Variants in XRCC1 observed in about 807,000 individuals in gnomAD.
The protein encoded by XRCC1 is DNA repair protein XRCC1.
In XRCC1, 52 loss-of-function variants were observed where a neutral mutation model predicts 83.3. The ratio of observed to expected loss-of-function variants is 0.62; its 90% CI spans 0.50 to 0.79. XRCC1 has a LOEUF of 0.79. Among genes scored for constraint, XRCC1 ranks in the 30% least tolerant of loss-of-function variants. The probability of loss-of-function intolerance (pLI) is 0.00; values close to 1 mark genes in which losing one functional copy is unlikely to be tolerated. For missense variants in XRCC1, 793 were observed against 823.5 expected (o/e 0.96, Z 0.45); for synonymous variants, 281 against 312.6 (o/e 0.90, Z 1.07).
intron 14 of XRCC1, 47 bp downstream of exon 14, chr19:43,545,771 C>A: frequency 6.2e-7 from 1 of 1,604,264 alleles, no homozygotes; most frequent in Non-Finnish European, 8.5e-7. Flanking sequence ...CAGCTGAGAA[C>A]TGAGAAGAGA....
intron 3 of XRCC1, 32 bp downstream of exon 3, chr19:43,560,878 C>T (rs1380564687): frequency 3.2e-6 from 5 of 1,548,716 alleles, no homozygotes; most frequent in Non-Finnish European, 4.5e-6. Context: ...GGGCAGAGGT[C>T]AGTATGGGAT....
chr19:43,562,563 G>A (rs913349175), intron 2 of XRCC1, among the ~76,000 whole-genome samples: 1 of 152,064 alleles, frequency 6.6e-6, no homozygotes, highest in Non-Finnish European at 1.5e-5. Flanking sequence ...GGGCAACATA[G>A]CCAGACCTTG....
intron 2 of XRCC1, among the ~76,000 whole-genome samples, 194 bp from the exon 3 acceptor site, chr19:43,561,214 A>G (rs987704216): frequency 6.6e-6 from 1 of 152,126 alleles, no homozygotes. Flanking sequence ...AACTCACAAA[A>G]TAGTCACTGA....
chr19:43,570,640 C>A (rs970076174), intron 2 of XRCC1, among the ~76,000 whole-genome samples: 1 of 152,156 alleles, frequency 6.6e-6, no homozygotes, highest in African/African-American at 2.4e-5. Flanking sequence ...TTAAAATTAG[C>A]TGGGCCTGGC....
intron 10 of XRCC1, among the ~76,000 whole-genome samples, chr19:43,548,703 T>C (rs1972543596): frequency 6.9e-6 from 1 of 144,276 alleles, no homozygotes; most frequent in Admixed American, 7.3e-5. Flanking sequence ...CTGCTGACCT[T>C]CCCTTCACTA....
At chr19:43,570,440 G>C (rs3213273) in intron 2 of XRCC1, among the ~76,000 whole-genome samples, 4 of 152,204 alleles carry the variant, frequency 2.6e-5, no homozygotes, top group African/African-American at 9.6e-5. Context: ...TGGTAAGATC[G>C]AGATTTTGCA....
At chr19:43,560,190 A>C (rs956831506) in intron 3 of XRCC1, among the ~76,000 whole-genome samples, 11 of 151,842 alleles carry the variant, frequency 7.2e-5, no homozygotes, top group African/African-American at 2.7e-4. Context: ...GGAGTTCGAG[A>C]CCAGCCTGGC....
intron 16 of XRCC1, 40 bp from the exon 17 acceptor site, chr19:43,543,545 G>T (rs3213400): frequency 6.2e-7 from 1 of 1,613,086 alleles, no homozygotes; most frequent in East Asian, 2.2e-5. Context: ...ATGTGTCATC[G>T]AGGGGAGGAC....
chr19:43,547,151 C>T (rs1214084511), intron 10 of XRCC1, among the ~76,000 whole-genome samples, 174 bp from the exon 11 acceptor site: 1 of 151,874 alleles, frequency 6.6e-6, no homozygotes, highest in African/African-American at 2.4e-5. Flanking sequence ...GTCAGTCTGG[C>T]CACCTGCCCT....
intron 2 of XRCC1, among the ~76,000 whole-genome samples, chr19:43,572,950 T>TTTTTTTTATAAA: frequency 6.8e-6 from 1 of 147,722 alleles, no homozygotes; most frequent in South Asian, 2.2e-4. Context: ...TTTTTTTTTT[T>TTTTTTTTATAAA]GAGATACAGT....
In XRCC1 at chr19:43,575,010, C is replaced by T; in HGVS notation, c.52-8G>A. 6.2e-7 allele frequency: 1 copy of T among 1,610,688 alleles called. No individual in the cohort carries two copies. Among genetic ancestry groups the T allele is most frequent in the Non-Finnish European group, 8.5e-7 (1 of 1,176,916 alleles). ...ATTTTCTGCACAGTGAGTCTGGAAA[C>T]AACAGTGGGAGAGGAGAATTAGGGC... On this transcript the variant is annotated splice_region_variant and splice_polypyrimidine_tract_variant and intron_variant, in intron 1 of 16. Coordinates refer to ENST00000262887, the MANE Select transcript of XRCC1 (RefSeq NM_006297.3).
chr19:43,551,973 G>A, intron 9 of XRCC1, 44 bp downstream of exon 9: 2 of 1,599,996 alleles, frequency 1.3e-6, no homozygotes, highest in South Asian at 1.1e-5. Flanking sequence ...ACAGGGAGCT[G>A]GGGGAGAAAC....
intron 3 of XRCC1, among the ~76,000 whole-genome samples, 164 bp downstream of exon 3, chr19:43,560,746 C>G (rs1972689609): frequency 6.6e-6 from 1 of 152,342 alleles, no homozygotes; most frequent in Non-Finnish European, 1.5e-5. Context: ...CGCCCTGTGT[C>G]TGCCTTCTGT....
At chr19:43,545,992 C>T (rs1445032332) in intron 13 of XRCC1, 35 bp from the exon 14 acceptor site, 12 of 1,613,524 alleles carry the variant, frequency 7.4e-6, no homozygotes, top group Non-Finnish European at 1.0e-5. Flanking sequence ...AGTGAGCATG[C>T]AGAGCAGCCT....
Position 43,552,131 on chromosome 19 carries a change from A to G in XRCC1, c.968T>C (p.Val323Ala). The G allele has an allele frequency of 6.2e-7, 1 of 1,614,042 alleles. No individual in the cohort carries two copies. Among genetic ancestry groups the G allele is most frequent in the Non-Finnish European group, 8.5e-7 (1 of 1,179,962 alleles). Residue 323 changes from valine to alanine, a missense_variant, in exon 9 of 17, where the codon GTG becomes GCG. Physicochemically the swap from Val to Ala is moderately conservative, Grantham distance 64. Transcript: ENST00000262887. ...CTGGAAGCCACTCAGCACCACTACC[A>G]CACCCTGAAGGATCTTCCCCAGCTC... ...PEELGKILQG[V>A]VVVLSGFQNP...
At chr19:43,561,196 G>A (rs978177628) in intron 2 of XRCC1, among the ~76,000 whole-genome samples, 176 bp from the exon 3 acceptor site, 2 of 152,172 alleles carry the variant, frequency 1.3e-5, no homozygotes, top group African/African-American at 4.8e-5. Context: ...GGTATGGCAT[G>A]GAGCAGAAAC....
Position 43,544,172 on chromosome 19 carries a change from GT to G in XRCC1, c.1683del (p.Lys561AsnfsTer17). On this transcript the variant is annotated frameshift_variant, in exon 15 of 17. Coordinates refer to ENST00000262887, the MANE Select transcript of XRCC1 (RefSeq NM_006297.3). LOFTEE classifies it high-confidence loss of function. ...YGEFPGDERRKLIRYVTAFNG... is the reference protein window; with the variant it reads ...YGEFPGDERRXLIRYVTAFNG... Reference sequence around the variant, plus strand: ...TTGAAGGCTGTGACGTATCGGATGAGTTTCCGCCGCTCGTCCCCAGGGAACT... The same window carrying G: ...TTGAAGGCTGTGACGTATCGGATGAGTTCCGCCGCTCGTCCCCAGGGAACT... 1 of 1,610,610 alleles carries G rather than the reference GT, an allele frequency of 6.2e-7. No individual in the cohort carries two copies. The highest frequency in any genetic ancestry group is 8.5e-7 in the Non-Finnish European group (1 of 1,178,516).
chr19:43,556,472 T>C (rs1972636760), intron 3 of XRCC1, among the ~76,000 whole-genome samples: 1 of 152,154 alleles, frequency 6.6e-6, no homozygotes, highest in Non-Finnish European at 1.5e-5. Flanking sequence ...TCTCAAGGAA[T>C]TGAGAGTAGC....
At chr19:43,575,289 C>T (rs1358213791) in intron 1 of XRCC1, 119 bp downstream of exon 1, 4 of 1,174,566 alleles carry the variant, frequency 3.4e-6, no homozygotes, top group Admixed American at 5.6e-5. Flanking sequence ...CACTTTTAGC[C>T]TCCTGGAAAT....
Sources: allele counts gnomAD v4.1 joint callset (sites outside exome capture counted in the v4.1 genomes callset), GRCh38; gene constraint gnomAD v4.1.1; transcripts MANE v1.5; gene names NCBI Gene and HGNC (gene_info 2026-07-23, HGNC 2026-07-21).